The following ANKRD44 variants were observed in gnomAD, a reference collection of about 807,000 sequenced individuals.
The protein encoded by ANKRD44 is ankyrin repeat domain 44, also known as serine/threonine-protein phosphatase 6 regulatory ankyrin repeat subunit B.
A neutral mutation model predicts 116.0 loss-of-function variants in ANKRD44; 35 were observed. The ratio of observed to expected loss-of-function variants is 0.30; its 90% CI spans 0.23 to 0.40. The LOEUF (loss-of-function observed/expected upper bound fraction) is 0.40. Ranked by LOEUF, ANKRD44 falls within the 10% of genes least tolerant of loss-of-function variation. The pLI is 1.00. For synonymous variants in ANKRD44, 435 were observed against 461.8 expected, an observed-to-expected ratio of 0.94 and a Z score of 0.74; for missense variants, 1,014 against 1,242.6, an observed-to-expected ratio of 0.82 and a Z score of 2.77.
intron 18 of ANKRD44, among the ~76,000 whole-genome samples, chr2:197,010,020 T>G: frequency 6.8e-6 from 1 of 147,300 alleles, no homozygotes; most frequent in Non-Finnish European, 1.5e-5. Context: ...GAGAAGGGAG[T>G]GGAAGTGTGA....
chr2:197,192,562 A>G (rs1165045107), intron 1 of ANKRD44, among the ~76,000 whole-genome samples: 3 of 152,348 alleles, frequency 2.0e-5, no homozygotes, highest in Non-Finnish European at 4.4e-5. Flanking sequence ...AGCCATATGA[A>G]GCCATCAACT....
chr2:197,038,436 G>GT (rs2076847074), intron 16 of ANKRD44, among the ~76,000 whole-genome samples: 1 of 152,144 alleles, frequency 6.6e-6, no homozygotes, highest in South Asian at 2.1e-4. Flanking sequence ...TCTTATAACT[G>GT]AAAAATGGTC....
At chr2:196,969,151 A>G (rs754115356) in intron 21 of ANKRD44, among the ~76,000 whole-genome samples, 2 of 152,246 alleles carry the variant, frequency 1.3e-5, no homozygotes, top group African/African-American at 4.8e-5. Flanking sequence ...CACATGGCTT[A>G]GTCTCTTTGT....
In ANKRD44 at chr2:197,228,380, G is replaced by A. The variant is rs997547369; in HGVS notation, c.28-41274C>T. ...GTCATCATTACTCTACCTGAGTCAC[G>A]AGCTCTCCCTCCTGACAGAGGCAGA... On this transcript the variant is annotated intron_variant, in intron 1 of 27. Transcript: ENST00000282272. 6.6e-5 allele frequency among the ~76,000 whole-genome samples: 10 copies of A among 152,142 alleles called. No homozygotes were observed. In the East Asian group the frequency reaches 7.7e-4, roughly 12 times the overall value.
chr2:197,239,510 G>A (rs891420874), intron 1 of ANKRD44, among the ~76,000 whole-genome samples: 1 of 152,218 alleles, frequency 6.6e-6, no homozygotes, highest in East Asian at 1.9e-4. Flanking sequence ...GACTGCAGGT[G>A]TGAGGCACTG....
At chr2:197,003,259 C>T (rs2076145895) in intron 21 of ANKRD44, among the ~76,000 whole-genome samples, 4 of 151,746 alleles carry the variant, frequency 2.6e-5, no homozygotes, top group South Asian at 2.1e-4. Context: ...TGTGGTGAGC[C>T]GAAATCACGC....
intron 1 of ANKRD44, among the ~76,000 whole-genome samples, chr2:197,209,206 ACT>A (rs2081273996): frequency 6.6e-6 from 1 of 152,196 alleles, no homozygotes; most frequent in Non-Finnish European, 1.5e-5. Flanking sequence ...AGATAAAAAA[ACT>A]CTGACTTCAT....
At chr2:197,043,118 T>G (rs2076941330) in intron 16 of ANKRD44, among the ~76,000 whole-genome samples, 1 of 152,202 alleles carries the variant, frequency 6.6e-6, no homozygotes, top group African/African-American at 2.4e-5. Context: ...CTAACCAGTT[T>G]CACTGTTTGC....
At chr2:197,287,983 G>A (rs1429015446) in intron 1 of ANKRD44, among the ~76,000 whole-genome samples, 9 of 134,518 alleles carry the variant, frequency 6.7e-5, no homozygotes, top group Non-Finnish European at 1.2e-4. Flanking sequence ...TCACATCATT[G>A]CACTCCAGCC....
chr2:197,119,207 C>CT (rs201029710), intron 8 of ANKRD44, among the ~76,000 whole-genome samples: 41 of 150,546 alleles, frequency 2.7e-4, no homozygotes, highest in African/African-American at 8.8e-4. Context: ...GATTATTTTC[C>CT]TTTTTTTTTC....
chr2:197,080,675 G>C (rs1002746423), intron 15 of ANKRD44, among the ~76,000 whole-genome samples: 6 of 151,926 alleles, frequency 3.9e-5, no homozygotes, highest in Non-Finnish European at 5.9e-5. Context: ...AATTACCATC[G>C]AAGTTAGGTC....
chr2:197,263,236 C>G (rs1574392870), intron 1 of ANKRD44: 2 of 532,644 alleles, frequency 3.8e-6, no homozygotes, highest in African/African-American at 2.0e-5. Flanking sequence ...AGAACCTCAG[C>G]AGCTTGGTAG....
At chr2:197,001,510 T>A (rs2076114345) in intron 22 of ANKRD44, among the ~76,000 whole-genome samples, 2 of 152,252 alleles carry the variant, frequency 1.3e-5, no homozygotes, top group Admixed American at 6.5e-5. Context: ...CACCTCTCAC[T>A]CTACCCCTTC....
At chr2:197,167,689 T>G (rs1194381012) in intron 2 of ANKRD44, among the ~76,000 whole-genome samples, 1 of 152,240 alleles carries the variant, frequency 6.6e-6, no homozygotes, top group South Asian at 2.1e-4. Flanking sequence ...ACAAACATTC[T>G]CTAATAAGCA....
chr2:197,197,846 A>T (rs2080995427), intron 1 of ANKRD44: 1 of 151,582 alleles, frequency 6.6e-6, no homozygotes, highest in Admixed American at 6.6e-5. Context: ...AAAGAAACAC[A>T]GAAAAAGAAA....
In ANKRD44 at chr2:197,086,734, A is replaced by G. The variant is rs1010438615; in HGVS notation, c.1262T>C (p.Ile421Thr). Reference sequence around the variant, plus strand: ...TGCTCCGCTGCTCTGCAAGAGTTTTATACATTCCACATTACTAGAAAGACA... The same window carrying G: ...TGCTCCGCTGCTCTGCAAGAGTTTTGTACATTCCACATTACTAGAAAGACA... ...AAAAGGNVEC[I>T]KLLQSSGADF... is the part of the protein sequence containing the mutation. The change falls in exon 13 of 28, where the codon ATA becomes ACA. Residue 421 changes from isoleucine to threonine, a missense_variant. Physicochemically the swap from Ile to Thr is moderately conservative, Grantham distance 89. Transcript: ENST00000282272. 1.1e-5 allele frequency: 17 copies of G among 1,613,882 alleles called. No homozygotes were observed. The highest frequency in any genetic ancestry group is 1.4e-5 in the Non-Finnish European group (17 of 1,179,856).
chr2:197,106,807 T>TATA (rs1553509477), intron 9 of ANKRD44, among the ~76,000 whole-genome samples: 28,421 of 106,788 alleles, frequency 0.27, 3,440 homozygotes, highest in East Asian at 0.53. Flanking sequence ...TATATATATA[T>TATA]TTTTTTTTTT....
At chr2:197,116,041 A>C (rs946371454) in intron 8 of ANKRD44, among the ~76,000 whole-genome samples, 1 of 152,230 alleles carries the variant, frequency 6.6e-6, no homozygotes, top group East Asian at 1.9e-4. Context: ...CAGGAAAAAA[A>C]TAAATATTAA....
At chr2:197,226,768 ATTAAG>A (rs2081727456) in intron 1 of ANKRD44, among the ~76,000 whole-genome samples, 1 of 152,240 alleles carries the variant, frequency 6.6e-6, no homozygotes, top group African/African-American at 2.4e-5. Context: ...GCCCAGAGGT[ATTAAG>A]TGACATTCCT....
Sources: gnomAD v4.1 joint callset for allele counts (sites outside exome capture counted in the v4.1 genomes callset) on GRCh38, gnomAD v4.1.1 for gene constraint, MANE v1.5 for transcripts, NCBI Gene and HGNC (gene_info 2026-07-23, HGNC 2026-07-21) for gene names.